Variants in VAV2 observed in about 807,000 individuals in gnomAD.
VAV2 encodes vav guanine nucleotide exchange factor 2.
A neutral mutation model predicts 132.5 loss-of-function variants in VAV2; 67 were observed. The observed-to-expected ratio is 0.51, with a 90% CI of 0.42 to 0.62. The LOEUF is 0.62. Ranked by LOEUF, VAV2 falls within the 20% of genes least tolerant of loss-of-function variation. VAV2 has a pLI of 0.00. For missense variants in VAV2, 938 were observed against 1,153.6 expected (o/e 0.81, Z 2.71); for synonymous variants, 492 against 443.5 (o/e 1.11, Z -1.37).
chr9:133,968,363 C>T (rs898020793), intron 1 of VAV2, among the ~76,000 whole-genome samples: 5 of 152,024 alleles, frequency 3.3e-5, no homozygotes, highest in Non-Finnish European at 5.9e-5. Context: ...CCATAAACAA[C>T]GTACAATTAT....
chr9:133,939,464 T>C (rs1287305912), intron 1 of VAV2, among the ~76,000 whole-genome samples: 4 of 151,820 alleles, frequency 2.6e-5, no homozygotes, highest in Non-Finnish European at 4.4e-5. Flanking sequence ...CATCCGAGGG[T>C]GTAGCCACCA....
intron 1 of VAV2, among the ~76,000 whole-genome samples, chr9:133,983,655 G>A (rs188203482): frequency 1.2e-3 from 182 of 151,906 alleles, no homozygotes; most frequent in African/African-American, 4.1e-3. Flanking sequence ...CTCTCTCTTC[G>A]CCAACGCCAG....
chr9:133,929,759 T>C (rs965962722), intron 2 of VAV2, among the ~76,000 whole-genome samples: 4 of 152,070 alleles, frequency 2.6e-5, no homozygotes, highest in Non-Finnish European at 4.4e-5. Flanking sequence ...TGATGCGGCC[T>C]GTCCCCACCA....
chr9:133,898,202 T>C (rs2810482), intron 2 of VAV2, among the ~76,000 whole-genome samples: 137,763 of 152,050 alleles, frequency 0.91, 63,660 homozygotes, highest in East Asian at 1. Context: ...CGGGCACAGG[T>C]TGATCTAGTG....
At chr9:133,933,770 A>C (rs1840782491) in intron 2 of VAV2, among the ~76,000 whole-genome samples, 1 of 142,382 alleles carries the variant, frequency 7.0e-6, no homozygotes, top group Non-Finnish European at 1.5e-5. Context: ...GGATGGGTGG[A>C]TGGGTGGATG....
chr9:133,894,367 A>C (rs1223482554), intron 2 of VAV2, among the ~76,000 whole-genome samples: 1 of 152,242 alleles, frequency 6.6e-6, no homozygotes, highest in Non-Finnish European at 1.5e-5. Context: ...GGCTGGTGAC[A>C]GGAGAGGCGG....
At chr9:133,914,692 A>G (rs1588361927) in intron 2 of VAV2, among the ~76,000 whole-genome samples, 1 of 20,186 alleles carries the variant, frequency 5.0e-5, no homozygotes, top group Non-Finnish European at 9.4e-5. Context: ...TGGGGGAGGG[A>G]AGCGGGAGGG....
chr9:133,956,615 T>C (rs980365679), intron 1 of VAV2, among the ~76,000 whole-genome samples: 1 of 152,140 alleles, frequency 6.6e-6, no homozygotes, highest in African/African-American at 2.4e-5. Flanking sequence ...AGTCAGAAAA[T>C]GCGAAGATCA....
chr9:133,779,856 C>T (rs1833943882), intron 21 of VAV2, 62 bp downstream of exon 21: 1 of 1,587,766 alleles, frequency 6.3e-7, no homozygotes, highest in Non-Finnish European at 8.6e-7. Flanking sequence ...TAGGCCCTGG[C>T]TCAGCTCCCA....
chr9:133,957,773 G>T (rs1246337156), intron 1 of VAV2, among the ~76,000 whole-genome samples: 1 of 152,208 alleles, frequency 6.6e-6, no homozygotes, highest in Non-Finnish European at 1.5e-5. Context: ...AAGTAAAAAT[G>T]GTGGAGTGTG....
chr9:133,770,555 C>T, intron 26 of VAV2, 54 bp from the exon 27 acceptor site: 1 of 1,601,452 alleles, frequency 6.2e-7, no homozygotes, highest in South Asian at 1.1e-5. Flanking sequence ...GAAGTCCTCC[C>T]CCAGTGACCT....
At chr9:133,805,244 C>T (rs1021095133) in intron 9 of VAV2, among the ~76,000 whole-genome samples, 1 of 152,150 alleles carries the variant, frequency 6.6e-6, no homozygotes, top group African/African-American at 2.4e-5. Context: ...TACAACTCCC[C>T]AGGCCCCAGA....
intron 12 of VAV2, among the ~76,000 whole-genome samples, chr9:133,793,991 G>A (rs971823208): frequency 2.0e-5 from 3 of 152,088 alleles, no homozygotes; most frequent in Admixed American, 1.3e-4. Context: ...AAAGGCAGAC[G>A]CACACCCGCA....
chr9:133,876,266 G>T (rs891635592), intron 2 of VAV2, among the ~76,000 whole-genome samples: 8 of 152,242 alleles, frequency 5.3e-5, no homozygotes, highest in African/African-American at 1.9e-4. Flanking sequence ...ATACAATATT[G>T]GAAAGGAGCA....
intron 1 of VAV2, among the ~76,000 whole-genome samples, chr9:133,942,325 C>T (rs908038238): frequency 6.6e-6 from 1 of 152,204 alleles, no homozygotes; most frequent in African/African-American, 2.4e-5. Flanking sequence ...GTGGGACGGG[C>T]TCTCCTCCGT....
chr9:133,890,781 G>A (rs983959618), intron 2 of VAV2, among the ~76,000 whole-genome samples: 4 of 152,162 alleles, frequency 2.6e-5, no homozygotes, highest in Non-Finnish European at 4.4e-5. Context: ...CAGCTACCTT[G>A]AAGCACTTAG....
At chr9:133,784,188 TG>T in intron 18 of VAV2, 128 bp downstream of exon 18, 1 of 997,788 alleles carries the variant, frequency 1.0e-6, no homozygotes, top group South Asian at 1.4e-5. Context: ...CTGACTCTTG[TG>T]GGGTATACTC....
chr9:133,809,159 T>C, intron 6 of VAV2, 21 bp from the exon 7 acceptor site: 3 of 1,606,026 alleles, frequency 1.9e-6, no homozygotes, highest in Non-Finnish European at 1.7e-6. Context: ...GAAGGGGGAG[T>C]CAGCAGGACC....
At position 133,777,400 on chromosome 9, in the gene VAV2, C is replaced by T. The variant is rs764920694; in HGVS notation, c.1954G>A (p.Val652Met). Residue 652 changes from valine to methionine, a missense_variant, in exon 23 of 30, where the codon GTG becomes ATG. By Grantham distance (21) the Val-to-Met change is conservative. Transcript: ENST00000371850. ...FPSSSVKPCP[V>M]DGRPPISRPP... is the part of the protein sequence containing the mutation. The stretch of plus-strand genomic sequence containing the variant: ...GGGAAAGGACTCACCCTTCCATCCA[C>T]AGGGCAGGGCTTCACAGATGAGCTG... The T allele has an allele frequency of 3.1e-6, 5 of 1,613,820 alleles. No individual in the cohort carries two copies. The South Asian group carries it at 3.3e-5, about 11-fold the overall frequency.
Sources: allele counts gnomAD v4.1 joint callset (sites outside exome capture counted in the v4.1 genomes callset), GRCh38; gene constraint gnomAD v4.1.1; transcripts MANE v1.5; gene names NCBI Gene and HGNC (gene_info 2026-07-23, HGNC 2026-07-21).